ADAMTS13: variants seen among roughly 807,000 people sequenced by gnomAD.
ADAMTS13 encodes the protein ADAM metallopeptidase with thrombospondin type 1 motif 13.
ADAMTS13 carries 110 observed loss-of-function variants against 155.1 expected under a neutral mutation model. That is an observed-to-expected ratio of 0.71 (90% CI 0.61 to 0.83). The LOEUF is 0.83. Among genes scored for constraint, ADAMTS13 ranks in the 40% least tolerant of loss-of-function variants. The pLI is 0.00. For synonymous variants in ADAMTS13, 758 were observed against 756.4 expected, an observed-to-expected ratio of 1.00 and a Z score of -0.03; for missense variants, 1,707 against 1,891.7, an observed-to-expected ratio of 0.90 and a Z score of 1.81.
At position 133,449,907 on chromosome 9, in the gene ADAMTS13, CA is replaced by C. The variant is rs1842327374; in HGVS notation, c.2987del (p.Gln996ArgfsTer125). 6.2e-7 allele frequency: 1 copy of C among 1,613,406 alleles called. No individual in the cohort carries two copies. The highest frequency in any genetic ancestry group is 2.2e-5 in the East Asian group (1 of 44,868). Reference protein sequence around the residue: ...GEEILLDTQCQGLPRPEPQEA... With the variant: ...GEEILLDTQCXGLPRPEPQEA... ...GGAGATCCTGTTGGACACCCAGTGC[CA>C]GGGGCTGCCTCGCCCGGAACCCCAG... On this transcript the variant is annotated frameshift_variant, in exon 23 of 29. Transcript: ENST00000355699. LOFTEE classifies it high-confidence loss of function.
rs1424288604 is a variant in ADAMTS13, at chr9:133,454,565, C to G, written c.3195C>G (p.Val1065=). ...CAALVRPEAS[V]PCLIADCTYR... ...CGCTGGTGCGGCCCGAGGCCAGTGT[C>G]CCCTGTCTCATTGCCGACTGCACCT... Residue 1065 remains valine, a synonymous_variant, in exon 24 of 29, where the codon GTC becomes GTG. Transcript: ENST00000355699. 1 of 1,607,656 alleles carries G rather than the reference C, an allele frequency of 6.2e-7. No individual in the cohort carries two copies. The highest frequency in any genetic ancestry group is 2.2e-5 in the East Asian group (1 of 44,898).
intron 19 of ADAMTS13, among the ~76,000 whole-genome samples, chr9:133,443,824 G>C (rs1174636830): frequency 2.7e-5 from 4 of 150,608 alleles, no homozygotes; most frequent in Non-Finnish European, 4.4e-5. Context: ...TGCCTGGGGA[G>C]GGGGGGCTTC....
At chr9:133,414,907 G>C in intron 1 of ADAMTS13, 2 of 1,614,054 alleles carry the variant, frequency 1.2e-6, no homozygotes, top group Non-Finnish European at 1.7e-6. Context: ...CTTGAGGCGA[G>C]GTCTCTTTTT....
In ADAMTS13 at chr9:133,455,397, CTG is replaced by C; in HGVS notation, c.3365_3366del (p.Val1122AlafsTer20). On this transcript the variant is annotated frameshift_variant, in exon 25 of 29. Transcript: ENST00000355699. LOFTEE classifies it high-confidence loss of function. ...TGCCAGCACTTGCCCAAGCCGGTGA[CTG>C]TGCGTGGCTGCTGGGCTGGGCCCTG... 6.2e-7 allele frequency: 1 copy of C among 1,612,664 alleles called. No individual in the cohort carries two copies. Among genetic ancestry groups the C allele is most frequent in the Non-Finnish European group, 8.5e-7 (1 of 1,179,934 alleles).
Position 133,443,418 on chromosome 9 carries a change from G to T in ADAMTS13, c.2277G>T (p.Gly759=). 6.3e-7 allele frequency: 1 copy of T among 1,599,082 alleles called. No individual in the cohort carries two copies. ...GDFGPCSASC[G]GGLRERPVRC... is the part of the protein sequence containing the mutation. The stretch of plus-strand genomic sequence containing the variant: ...TCGGCCCATGCAGCGCCTCCTGTGG[G>T]GGTGGCCTGCGGGAGCGGCCAGTGC... Residue 759 remains glycine, a synonymous_variant, in exon 19 of 29, where the codon GGG becomes GGT. Transcript: ENST00000355699.
At position 133,424,188 on chromosome 9, in the gene ADAMTS13, T is replaced by C. The variant is rs1364111789; in HGVS notation, c.173-133T>C. The C allele has an allele frequency of 5.6e-6, 8 of 1,420,376 alleles. No homozygotes were observed. Among genetic ancestry groups the C allele is most frequent in the Non-Finnish European group, 7.8e-6 (8 of 1,022,174 alleles). 88.0% of individuals were successfully genotyped at this position (1,420,376 alleles called of 1,614,324 possible). ...CTAGTCACTAATGGGGTCTGGCTCTTGGGGTGGGGGTGACACGCAATGTCT... is the reference window on the plus strand; with the variant it reads ...CTAGTCACTAATGGGGTCTGGCTCTCGGGGTGGGGGTGACACGCAATGTCT... On this transcript the variant is annotated intron_variant, in intron 2 of 28. Transcript: ENST00000355699. The surrounding 1 kb of genome is among the most constrained non-coding windows in gnomAD (Gnocchi z 4.3).
chr9:133,427,807 TA>T (rs11340341), intron 6 of ADAMTS13, among the ~76,000 whole-genome samples: 73,891 of 152,050 alleles, frequency 0.49, 18,943 homozygotes, highest in Non-Finnish European at 0.57. Context: ...CAGTCCTAGT[TA>T]ATACCCACTT....
At chr9:133,448,136 C>T (rs1842193890) in intron 21 of ADAMTS13, among the ~76,000 whole-genome samples, 4 of 152,044 alleles carry the variant, frequency 2.6e-5, no homozygotes, top group South Asian at 2.1e-4. Context: ...ATTACAGGTG[C>T]GCACCACCAC....
At position 133,441,437 on chromosome 9, in the gene ADAMTS13, A is replaced by G. The variant is rs782467565; in HGVS notation, c.1968+912A>G. Among the ~76,000 whole-genome samples the G allele has an allele frequency of 6.6e-6, 1 of 152,216 alleles. No homozygotes were observed. On this transcript the variant is annotated intron_variant, in intron 16 of 28. Coordinates refer to ENST00000355699, the MANE Select transcript of ADAMTS13 (RefSeq NM_139027.6). The surrounding 1 kb of genome is among the most constrained non-coding windows in gnomAD (Gnocchi z 5.0). Reference sequence around the variant, plus strand: ...CATCATCCTCTGCAGTGTGTAAAAAAGCAGATTCCCGGGTCCTCTGCATAT... The same window carrying G: ...CATCATCCTCTGCAGTGTGTAAAAAGGCAGATTCCCGGGTCCTCTGCATAT...
chr9:133,444,106 A>G (rs945394965), intron 19 of ADAMTS13, among the ~76,000 whole-genome samples: 1 of 152,178 alleles, frequency 6.6e-6, no homozygotes, highest in Non-Finnish European at 1.5e-5. Context: ...CATCCGTGGC[A>G]GACAAAACAG....
chr9:133,417,733 A>G, upstream of ADAMTS13: 1 of 1,614,032 alleles, frequency 6.2e-7, no homozygotes, highest in Non-Finnish European at 8.5e-7. Context: ...TTGCTTTTCC[A>G]AAACCTTTTT....
Position 133,459,238 on chromosome 9 carries a change from CAG to C in ADAMTS13, c.*59_*60del, listed in dbSNP as rs782656133. 33 of 1,498,114 alleles carry C rather than the reference CAG, an allele frequency of 2.2e-5. No individual in the cohort carries two copies. In the African/African-American group the frequency reaches 3.9e-4, roughly 18 times the overall value. The allele number at this position is 1,498,114 out of a possible 1,614,324, so 92.8% of individuals were successfully genotyped here. A position where few individuals can be genotyped will look rare whatever the true frequency, so the allele number is the denominator to read the frequency against. On this transcript the variant is annotated 3_prime_UTR_variant, in exon 29 of 29. Transcript: ENST00000355699. The stretch of plus-strand genomic sequence containing the variant: ...GCCCTGGAGGGTTGACCCCTGGTCT[CAG>C]TGCTTTCCAATTCGAACTTTTTCCA...
intron 6 of ADAMTS13, 56 bp from the exon 7 acceptor site, chr9:133,428,578 A>ACCCCCG (rs1266448156): frequency 7.3e-4 from 21 of 28,734 alleles, no homozygotes; most frequent in South Asian, 4.3e-3. Context: ...TCCCGCCCCC[A>ACCCCCG]CCCCCGCCCC....
chr9:133,430,181 G>A (rs1422096345), intron 8 of ADAMTS13, 80 bp downstream of exon 8: 2 of 1,524,118 alleles, frequency 1.3e-6, no homozygotes, highest in Non-Finnish European at 1.8e-6. Flanking sequence ...AAACGTGCAT[G>A]GTGAGAACCT....
At chr9:133,447,151 G>GA (rs1842121730) in intron 21 of ADAMTS13, among the ~76,000 whole-genome samples, 1 of 151,780 alleles carries the variant, frequency 6.6e-6, no homozygotes, top group Non-Finnish European at 1.5e-5. Context: ...CCCCACACCT[G>GA]GCCTATTTCT....
intron 9 of ADAMTS13, 88 bp from the exon 10 acceptor site, chr9:133,433,290 G>A: frequency 6.3e-7 from 1 of 1,575,962 alleles, no homozygotes; most frequent in Non-Finnish European, 8.7e-7. Context: ...GGGGATCCCT[G>A]AGGATGTTGG....
In ADAMTS13 at chr9:133,458,019, C is replaced by A; in HGVS notation, c.3834C>A (p.His1278Gln). ...GCRLFINVAP[H>Q]ARIAIHALAT... ...GGCTCTTCATTAATGTGGCTCCGCA[C>A]GCACGGATTGCCATCCATGCCCTGG... is the stretch of plus-strand genomic sequence containing the variant. The change falls in exon 28 of 29, where the codon CAC becomes CAA. Residue 1278 changes from histidine to glutamine, a missense_variant. Coordinates refer to ENST00000355699, the MANE Select transcript of ADAMTS13 (RefSeq NM_139027.6). 6.2e-7 allele frequency: 1 copy of A among 1,613,454 alleles called. No individual in the cohort carries two copies. Among genetic ancestry groups the A allele is most frequent in the Non-Finnish European group, 8.5e-7 (1 of 1,180,028 alleles).
In ADAMTS13 at chr9:133,440,176, G is replaced by C. The variant is rs1473816766; in HGVS notation, c.1787-168G>C. Among the ~76,000 whole-genome samples, 2 of 152,250 alleles carry C rather than the reference G, an allele frequency of 1.3e-5. No individual in the cohort carries two copies. The highest frequency in any genetic ancestry group is 2.9e-5 in the Non-Finnish European group (2 of 68,046). On this transcript the variant is annotated intron_variant, in intron 15 of 28. Coordinates refer to ENST00000355699, the MANE Select transcript of ADAMTS13 (RefSeq NM_139027.6). This position sits in a 1 kb window ranked among gnomAD's most constrained non-coding sequence, Gnocchi z 4.3. ...TGCACTTGGTCATAGCACTCACCAG[G>C]TTGTGGAAAGAGGCCTAGAGCCTCC...
At position 133,454,598 on chromosome 9, in the gene ADAMTS13, G is replaced by C; in HGVS notation, c.3228G>C (p.Trp1076Cys). The change falls in exon 24 of 29, where the codon TGG becomes TGC. Residue 1076 changes from tryptophan to cysteine, a missense_variant. Trp to Cys is a radical substitution (Grantham distance 215). Coordinates refer to ENST00000355699, the MANE Select transcript of ADAMTS13 (RefSeq NM_139027.6). ...PCLIADCTYR[W>C]HVGTWMECSV... ...TCATTGCCGACTGCACCTACCGCTG[G>C]CATGTTGGCACCTGGATGGAGGTGA... 2 of 1,603,448 alleles carry C rather than the reference G, an allele frequency of 1.2e-6. No individual in the cohort carries two copies. The highest frequency in any genetic ancestry group is 1.7e-6 in the Non-Finnish European group (2 of 1,179,452).
Sources: allele counts gnomAD v4.1 joint callset (sites outside exome capture counted in the v4.1 genomes callset), GRCh38; gene constraint gnomAD v4.1.1; non-coding constraint Gnocchi (gnomAD v3.1); transcripts MANE v1.5; gene names NCBI Gene and HGNC (gene_info 2026-07-23, HGNC 2026-07-21).